PFKFB3: variants seen among roughly 807,000 people sequenced by gnomAD.
PFKFB3 encodes the protein 6-phosphofructo-2-kinase/fructose-2,6-biphosphatase 3, also known as 6-phosphofructo-2-kinase/fructose-2,6-bisphosphatase 3.
Under a neutral mutation model 68.0 loss-of-function variants are expected in PFKFB3, and 33 were observed. The observed-to-expected ratio is 0.49, with a 90% CI of 0.37 to 0.65. PFKFB3 has a LOEUF of 0.65. Ranked by LOEUF, PFKFB3 falls within the 30% of genes least tolerant of loss-of-function variation. The pLI is 0.00. For synonymous variants in PFKFB3, 315 were observed against 288.2 expected (o/e 1.09, Z -0.94); for missense variants, 586 against 712.2 (o/e 0.82, Z 2.02).
At chr10:6,176,984 G>A (rs1450675958) in intron 1 of PFKFB3, among the ~76,000 whole-genome samples, 1 of 152,218 alleles carries the variant, frequency 6.6e-6, no homozygotes, top group Non-Finnish European at 1.5e-5. Context: ...CAGGATGTGG[G>A]TGGCAGTGCC....
intron 14 of PFKFB3, 58 bp from the exon 15 acceptor site, chr10:6,232,837 A>T: frequency 7.4e-7 from 1 of 1,350,826 alleles, no homozygotes; most frequent in African/African-American, 1.4e-5. Context: ...TCTGCTTTAG[A>T]ATTCAGCCAG....
the PFKFB3 span, among the ~76,000 whole-genome samples, chr10:6,310,502 G>T: frequency 6.6e-6 from 1 of 152,138 alleles, no homozygotes; most frequent in Non-Finnish European, 1.5e-5. Context: ...CAGGTTTATG[G>T]AATATTTCAT....
chr10:6,162,065 C>T (rs1487055472), intron 1 of PFKFB3, among the ~76,000 whole-genome samples: 2 of 152,204 alleles, frequency 1.3e-5, no homozygotes, highest in African/African-American at 2.4e-5. Context: ...ATCCCCAGCT[C>T]CTGGCAGCCA....
chr10:6,200,856 G>C (rs1425650779), upstream of PFKFB3, among the ~76,000 whole-genome samples: 1 of 152,208 alleles, frequency 6.6e-6, no homozygotes, highest in Non-Finnish European at 1.5e-5. Context: ...TCAACTCCCT[G>C]TGCCCTAAGA....
chr10:6,212,161 G>T (rs180993430), intron 1 of PFKFB3, among the ~76,000 whole-genome samples: 2 of 152,272 alleles, frequency 1.3e-5, no homozygotes, highest in Non-Finnish European at 2.9e-5. Flanking sequence ...GGCTAACCAC[G>T]TGGCAGTGAG....
chr10:6,322,512 C>A, the PFKFB3 span, among the ~76,000 whole-genome samples: 16 of 152,326 alleles, frequency 1.1e-4, no homozygotes, highest in African/African-American at 3.6e-4. Flanking sequence ...CATTATCTCA[C>A]TTCCTTGCTT....
At chr10:6,316,664 G>C in the PFKFB3 span, among the ~76,000 whole-genome samples, 1 of 152,200 alleles carries the variant, frequency 6.6e-6, no homozygotes, top group South Asian at 2.1e-4. Context: ...TTTCAGTAGA[G>C]TCCGGGTTTC....
the PFKFB3 span, among the ~76,000 whole-genome samples, chr10:6,313,801 C>T: frequency 5.9e-5 from 9 of 152,204 alleles, no homozygotes; most frequent in Non-Finnish European, 1.2e-4. The surrounding 1 kb of genome is among the most constrained non-coding windows in gnomAD (Gnocchi z 4.2). Context: ...AATGATGTGG[C>T]TCTCAATAGC....
intron 1 of PFKFB3, chr10:6,145,125 C>A: frequency 1.2e-6 from 1 of 860,276 alleles, no homozygotes; most frequent in South Asian, 4.0e-5. Context: ...ACTGTGCACC[C>A]GGGCTGCGGC....
At chr10:6,286,480 T>C in the PFKFB3 span, among the ~76,000 whole-genome samples, 1 of 151,918 alleles carries the variant, frequency 6.6e-6, no homozygotes, top group African/African-American at 2.4e-5. Flanking sequence ...TGGGTTCAAG[T>C]GATTCTCCTG....
chr10:6,207,352 A>C (rs1213956495), intron 1 of PFKFB3, among the ~76,000 whole-genome samples: 2 of 152,242 alleles, frequency 1.3e-5, no homozygotes, highest in African/African-American at 4.8e-5. Context: ...CAGGAGAATC[A>C]GGCAGGGAGG....
intron 14 of PFKFB3, among the ~76,000 whole-genome samples, chr10:6,227,805 T>C (rs1409827791): frequency 6.6e-6 from 1 of 152,128 alleles, no homozygotes; most frequent in African/African-American, 2.4e-5. Flanking sequence ...CTCATACATA[T>C]TCCCTTGCAG....
intron 14 of PFKFB3, among the ~76,000 whole-genome samples, chr10:6,249,749 G>T (rs1041769086): frequency 3.3e-5 from 5 of 151,956 alleles, no homozygotes; most frequent in African/African-American, 1.2e-4. Flanking sequence ...GAATATTTGT[G>T]TGTGTGTGTG....
At chr10:6,169,980 C>T (rs76323240) in intron 1 of PFKFB3, among the ~76,000 whole-genome samples, 2,082 of 152,308 alleles carry the variant, frequency 0.014, 26 homozygotes, top group Non-Finnish European at 0.022. Context: ...TACTTTTCCT[C>T]TTGCCTATTT....
chr10:6,283,634 G>C, the PFKFB3 span, among the ~76,000 whole-genome samples: 1 of 150,936 alleles, frequency 6.6e-6, no homozygotes, highest in Admixed American at 6.6e-5. Context: ...GGAGAGAGGA[G>C]CTGTAGCCAT....
rs1179477682 is a variant in PFKFB3 at position 6,215,177 on chromosome 10, TC to T, written c.203-42del. The T allele has an allele frequency of 6.5e-7, 1 of 1,547,058 alleles. No homozygotes were observed. The highest frequency in any genetic ancestry group is 1.1e-5 in the South Asian group (1 of 89,480). On this transcript the variant is annotated intron_variant, in intron 2 of 14. Coordinates refer to ENST00000379775, the MANE Select transcript of PFKFB3 (RefSeq NM_004566.4). This position sits in a 1 kb window ranked among gnomAD's most constrained non-coding sequence, Gnocchi z 4.3. ...ATGGTCCCGGTGTGAGCTGGCCCCT[TC>T]CTCCTGCTCGATCATCCAGACTGTT...
At chr10:6,185,646 T>TTTC (rs1460133234) in intron 1 of PFKFB3, among the ~76,000 whole-genome samples, 3 of 149,860 alleles carry the variant, frequency 2.0e-5, no homozygotes, top group Admixed American at 2.0e-4. Context: ...CTCCTTTTTT[T>TTTC]TTTTTTTTTT....
At chr10:6,285,592 T>C in the PFKFB3 span, among the ~76,000 whole-genome samples, 1 of 152,202 alleles carries the variant, frequency 6.6e-6, no homozygotes, top group African/African-American at 2.4e-5. Context: ...TACCCTCTTA[T>C]CAGATTTTTG....
In PFKFB3 at chr10:6,229,098, A is replaced by G. The variant is rs746044121; in HGVS notation, c.1515+2733A>G. The G allele has an allele frequency of 1.1e-5, 6 of 531,460 alleles. No individual in the cohort carries two copies. In the East Asian group the frequency reaches 3.3e-4, roughly 29 times the overall value. 32.9% of individuals were successfully genotyped at this position (531,460 alleles called of 1,614,324 possible). ...GTTTGCTCCTTAAGTTACCTTAACT[A>G]CTTTATGCAGAAACTGGAAAGGTGT... On this transcript the variant is annotated intron_variant, in intron 14 of 14. Transcript: ENST00000379775. The surrounding 1 kb of genome is among the most constrained non-coding windows in gnomAD (Gnocchi z 4.3).
Sources: allele counts gnomAD v4.1 joint callset (sites outside exome capture counted in the v4.1 genomes callset), GRCh38; gene constraint gnomAD v4.1.1; non-coding constraint Gnocchi (gnomAD v3.1); transcripts MANE v1.5; gene names NCBI Gene and HGNC (gene_info 2026-07-23, HGNC 2026-07-21).